The following SYNE2 variants were observed in gnomAD, a reference collection of about 807,000 sequenced individuals.
The protein encoded by SYNE2 is spectrin repeat containing nuclear envelope protein 2.
Under a neutral mutation model 856.3 loss-of-function variants are expected in SYNE2, and 431 were observed. The observed-to-expected ratio is 0.50, with a 90% CI of 0.47 to 0.55. The LOEUF (loss-of-function observed/expected upper bound fraction) is 0.55. Ranked by LOEUF, SYNE2 falls within the 20% of genes least tolerant of loss-of-function variation. SYNE2 has a pLI of 0.00. For missense variants in SYNE2, 8,129 were observed against 8,023.2 expected (o/e 1.01, Z -0.50); for synonymous variants, 2,923 against 2,872.3 (o/e 1.02, Z -0.56).
intron 6 of SYNE2, among the ~76,000 whole-genome samples, chr14:63,947,244 GGAACTGTTCCATAGCT>G (rs2096050002): frequency 6.6e-6 from 1 of 152,090 alleles, no homozygotes; most frequent in Non-Finnish European, 1.5e-5. Context: ...CTGCAGTGAT[GGAACTGTTCCATAGCT>G]ACATTGTACA....
intron 110 of SYNE2, 25 bp downstream of exon 110, chr14:64,219,435 G>A: frequency 6.2e-7 from 1 of 1,610,336 alleles, no homozygotes; most frequent in Non-Finnish European, 8.5e-7. Flanking sequence ...TGGTGGGGAA[G>A]AGGGATTCAG....
intron 32 of SYNE2, among the ~76,000 whole-genome samples, chr14:64,013,928 A>G (rs1012073385): frequency 6.6e-6 from 1 of 152,150 alleles, no homozygotes; most frequent in African/African-American, 2.4e-5. Flanking sequence ...GTTGACATCA[A>G]TGCAGTCAAG....
chr14:64,199,499 C>T (rs1258951798), intron 99 of SYNE2, among the ~76,000 whole-genome samples: 1 of 152,072 alleles, frequency 6.6e-6, no homozygotes, highest in African/African-American at 2.4e-5. Flanking sequence ...AGGTGGATCA[C>T]TTGAGGTCAG....
At chr14:64,156,676 C>G (rs995672550) in intron 85 of SYNE2, among the ~76,000 whole-genome samples, 1 of 152,034 alleles carries the variant, frequency 6.6e-6, no homozygotes, top group East Asian at 1.9e-4. Flanking sequence ...CCAGGCTGGT[C>G]TTGAACTCCT....
chr14:63,992,910 C>T (rs188695764), intron 21 of SYNE2, among the ~76,000 whole-genome samples: 2 of 152,160 alleles, frequency 1.3e-5, no homozygotes, highest in East Asian at 1.9e-4. Context: ...AGTGAATGAG[C>T]GAATTCCCAC....
chr14:63,909,367 A>G, intron 2 of SYNE2, 140 bp downstream of exon 2: 1 of 563,506 alleles, frequency 1.8e-6, no homozygotes, highest in Non-Finnish European at 3.2e-6. Context: ...ACCTTTTAAT[A>G]TATTTAAATG....
chr14:63,934,995 AAG>A (rs1271193370), intron 2 of SYNE2, among the ~76,000 whole-genome samples: 1 of 152,074 alleles, frequency 6.6e-6, no homozygotes, highest in Non-Finnish European at 1.5e-5. Context: ...TTTTTCTATT[AAG>A]ATATAAAATT....
Position 64,089,589 on chromosome 14 carries a change from G to C in SYNE2, c.11686G>C (p.Glu3896Gln), listed in dbSNP as rs1295671726. ...QRMADDVVAI[E>Q]SEVKSMEKRV... is the part of the protein sequence containing the mutation. ...GAAATTCTAGGATGTGGTTGCTATT[G>C]AATCTGAAGTAAAATCAATGGAAAA... The change falls in exon 59 of 116, where the codon GAA (glutamate) becomes CAA (glutamine). Residue 3896 changes from glutamate (E) to glutamine (Q), a missense_variant. Glu to Gln is a conservative substitution (Grantham distance 29, BLOSUM62 2). Transcript: ENST00000555002. 1 of 1,609,696 alleles carries C rather than the reference G, an allele frequency of 6.2e-7. No homozygotes were observed.
chr14:64,057,193 TG>T (rs2097278156), intron 49 of SYNE2, among the ~76,000 whole-genome samples: 1 of 152,174 alleles, frequency 6.6e-6, no homozygotes, highest in African/African-American at 2.4e-5. Context: ...GTAGTCACTC[TG>T]TGGTGCTATC....
At position 63,964,060 on chromosome 14, in the gene SYNE2, G is replaced by A. The variant is rs1295755505; in HGVS notation, c.990+60G>A. ...CCTTTTAAGAGTTGAGCGTAAGTATGTTTTTAGAAAACTCTTTCAGGCTTA... is the reference window on the plus strand; with the variant it reads ...CCTTTTAAGAGTTGAGCGTAAGTATATTTTTAGAAAACTCTTTCAGGCTTA... On this transcript the variant is annotated intron_variant, in intron 10 of 115. Transcript: ENST00000555002. 3.0e-5 allele frequency: 32 copies of A among 1,084,714 alleles called. No individual in the cohort carries two copies. The Admixed American group carries it at 6.3e-4, about 21-fold the overall frequency. 67.2% of individuals were successfully genotyped at this position (1,084,714 alleles called of 1,614,324 possible).
At chr14:63,940,586 A>G in intron 2 of SYNE2, 28 bp from the exon 3 acceptor site, 1 of 1,612,502 alleles carries the variant, frequency 6.2e-7, no homozygotes, top group Non-Finnish European at 8.5e-7. Flanking sequence ...TTCTGGTTTT[A>G]TAACTGCTGT....
chr14:64,122,342 G>A lies in SYNE2; in HGVS notation c.13337G>A (p.Gly4446Asp), dbSNP rs777562449. Residue 4446 changes from glycine to aspartate, a missense_variant, in exon 70 of 116, where the codon GGC (glycine) becomes GAC (aspartate). Physicochemically the swap from Gly to Asp is moderately conservative, Grantham distance 94. Transcript: ENST00000555002. ...DVPDSILSPQ[G>D]QNGDKWQYLH... ...CCAGACTCGATCTTGTCACCCCAGG[G>A]CCAAAATGGAGATAAGTGGCAATAT... The A allele has an allele frequency of 8.1e-6, 13 of 1,613,980 alleles. No individual in the cohort carries two copies. Among genetic ancestry groups the A allele is most frequent in the Non-Finnish European group, 9.3e-6 (11 of 1,180,032 alleles).
intron 1 of SYNE2, among the ~76,000 whole-genome samples, chr14:63,815,457 C>T (rs1595139084): frequency 6.6e-6 from 1 of 151,820 alleles, no homozygotes; most frequent in South Asian, 2.1e-4. Flanking sequence ...TCATGTTTTT[C>T]TGCCTGCTTT....
At chr14:63,803,162 C>T (rs528701917) in intron 1 of SYNE2, among the ~76,000 whole-genome samples, 2 of 152,332 alleles carry the variant, frequency 1.3e-5, no homozygotes, top group African/African-American at 4.8e-5. Flanking sequence ...TACTAAGGTT[C>T]TCCACCTCCC....
rs2097107407 is a variant in SYNE2 at position 64,037,872 on chromosome 14, G to A, written c.7221+6515G>A. 2.0e-5 allele frequency among the ~76,000 whole-genome samples: 3 copies of A among 151,098 alleles called. 1 individual carries two copies. In the Middle Eastern group the frequency reaches 0.01, roughly 521 times the overall value. On this transcript the variant is annotated intron_variant, in intron 45 of 115. Coordinates refer to ENST00000555002, the MANE Select transcript of SYNE2 (RefSeq NM_182914.3). ...CACCCCCACCTCCCTCCCGGACGGG[G>A]CGGCTGGCCGGGCGGGGGGCTGACC...
intron 94 of SYNE2, among the ~76,000 whole-genome samples, chr14:64,173,676 A>G (rs1191971423): frequency 6.7e-6 from 1 of 149,422 alleles, no homozygotes; most frequent in Non-Finnish European, 1.5e-5. Context: ...TGGCGTGATC[A>G]TAGCTCACTG....
chr14:64,190,850 A>C (rs563514918), intron 99 of SYNE2: 14 of 691,402 alleles, frequency 2.0e-5, no homozygotes, highest in African/African-American at 7.0e-5. Flanking sequence ...TGATAATTTT[A>C]TCTCTCCTCC....
At chr14:63,892,845 A>G (rs2095167237) in intron 1 of SYNE2, among the ~76,000 whole-genome samples, 1 of 151,684 alleles carries the variant, frequency 6.6e-6, no homozygotes, top group Non-Finnish European at 1.5e-5. Flanking sequence ...GCTGGCCTAT[A>G]GGCTAGGGCT....
At chr14:64,036,030 A>G (rs1032135659) in intron 45 of SYNE2, among the ~76,000 whole-genome samples, 18 of 152,098 alleles carry the variant, frequency 1.2e-4, no homozygotes, top group African/African-American at 4.1e-4. Context: ...GGAATGTAGG[A>G]TTAAACACAT....
Sources: gnomAD v4.1 joint callset for allele counts (sites outside exome capture counted in the v4.1 genomes callset) on GRCh38, gnomAD v4.1.1 for gene constraint, MANE v1.5 for transcripts, NCBI Gene and HGNC (gene_info 2026-07-23, HGNC 2026-07-21) for gene names.